The following BMERB1 variants were observed in gnomAD, a reference collection of about 807,000 sequenced individuals.
BMERB1 encodes bMERB domain-containing protein 1.
In BMERB1, 12 loss-of-function variants were observed where a neutral mutation model predicts 23.6. The observed-to-expected ratio is 0.51, with a 90% CI of 0.33 to 0.82. The LOEUF (loss-of-function observed/expected upper bound fraction) is 0.82, where lower values mean the gene tolerates loss of function less well. Among genes scored for constraint, BMERB1 ranks in the 40% least tolerant of loss-of-function variants. BMERB1 has a pLI of 0.03. For missense variants in BMERB1, 247 were observed against 255.4 expected, an observed-to-expected ratio of 0.97 and a Z score of 0.22; for synonymous variants, 122 against 96.6, an observed-to-expected ratio of 1.26 and a Z score of -1.54.
At chr16:15,489,222 G>T (rs1380143235) in intron 1 of BMERB1, among the ~76,000 whole-genome samples, 3 of 152,136 alleles carry the variant, frequency 2.0e-5, no homozygotes, top group Non-Finnish European at 4.4e-5. Context: ...GTGCCAGTTG[G>T]TTCCCCAAAG....
At position 15,558,629 on chromosome 16, in the gene BMERB1, CAT is replaced by C. The variant is rs139686261; in HGVS notation, c.231-9351_231-9350del. ...CTTTAAGCAACCATTACCGTAGTCA[CAT>C]ATGTGTCGTAGCGACATATATGTGA... is the stretch of plus-strand genomic sequence containing the variant. On this transcript the variant is annotated intron_variant, in intron 2 of 5. Transcript: ENST00000300006. Among the ~76,000 whole-genome samples the C allele has an allele frequency of 3.8e-3, 576 of 152,032 alleles. 5 individuals are homozygous for C. The highest frequency in any genetic ancestry group is 0.013 in the African/African-American group (524 of 41,456).
chr16:15,447,897 A>G (rs775546132), intron 1 of BMERB1: 4 of 455,812 alleles, frequency 8.8e-6, no homozygotes, highest in South Asian at 6.2e-5. Flanking sequence ...TTATTTATTT[A>G]TTTATTTTTG....
At chr16:15,585,099 G>A (rs972115400) in intron 5 of BMERB1, among the ~76,000 whole-genome samples, 2 of 152,338 alleles carry the variant, frequency 1.3e-5, no homozygotes, top group South Asian at 2.1e-4. Flanking sequence ...AAGATGGTTG[G>A]AGGGAGTAAG....
At chr16:15,555,250 A>G (rs1283321158) in intron 2 of BMERB1, among the ~76,000 whole-genome samples, 1 of 151,862 alleles carries the variant, frequency 6.6e-6, no homozygotes, top group Non-Finnish European at 1.5e-5. Flanking sequence ...TAATTTTTTT[A>G]TTGTGTAGAG....
At chr16:15,514,023 C>T (rs918243459) in intron 1 of BMERB1, among the ~76,000 whole-genome samples, 4 of 152,118 alleles carry the variant, frequency 2.6e-5, no homozygotes, top group African/African-American at 7.2e-5. Flanking sequence ...GTAATCCCAG[C>T]ACTTCAGGAG....
At chr16:15,445,110 C>T (rs2050978071) in intron 1 of BMERB1, among the ~76,000 whole-genome samples, 1 of 152,148 alleles carries the variant, frequency 6.6e-6, no homozygotes, top group East Asian at 1.9e-4. Flanking sequence ...CCAGGCTGGT[C>T]TTGAACTCCT....
chr16:15,537,410 A>G (rs995142413), intron 2 of BMERB1, among the ~76,000 whole-genome samples: 2 of 151,556 alleles, frequency 1.3e-5, no homozygotes, highest in African/African-American at 2.4e-5. Context: ...GCTGGAGTGC[A>G]GTGGCACAAT....
chr16:15,584,081 G>T, intron 5 of BMERB1: 1 of 701,784 alleles, frequency 1.4e-6, no homozygotes, highest in Non-Finnish European at 2.6e-6. Context: ...AGCAAAGAGG[G>T]TTTTATATGA....
intron 2 of BMERB1, among the ~76,000 whole-genome samples, chr16:15,557,062 C>T (rs2030281377): frequency 6.6e-6 from 1 of 152,166 alleles, no homozygotes; most frequent in Non-Finnish European, 1.5e-5. Flanking sequence ...CTGCTGATGC[C>T]TCCATTTCAT....
chr16:15,502,603 CCT>C (rs968294761), intron 1 of BMERB1, among the ~76,000 whole-genome samples: 4 of 152,280 alleles, frequency 2.6e-5, no homozygotes, highest in African/African-American at 9.6e-5. Flanking sequence ...GAGCTTCTTT[CCT>C]ACATGAATGA....
intron 2 of BMERB1, among the ~76,000 whole-genome samples, chr16:15,522,959 T>C (rs952781494): frequency 2.6e-5 from 4 of 152,202 alleles, no homozygotes. Flanking sequence ...GGGCTTTCTG[T>C]ATCCTGGGTT....
intron 2 of BMERB1, among the ~76,000 whole-genome samples, chr16:15,523,417 G>A (rs1366601308): frequency 1.3e-5 from 2 of 152,188 alleles, no homozygotes; most frequent in African/African-American, 4.8e-5. Flanking sequence ...ACCTAGGACT[G>A]TGGGCACAGG....
Position 15,447,975 on chromosome 16 carries a change from C to T in BMERB1, c.106+13216C>T, listed in dbSNP as rs1445454370. 1.3e-5 allele frequency: 6 copies of T among 452,098 alleles called. No individual in the cohort carries two copies. The East Asian group carries it at 4.2e-4, about 31-fold the overall frequency. 28.0% of individuals were successfully genotyped at this position (452,098 alleles called of 1,614,324 possible). On this transcript the variant is annotated intron_variant, in intron 1 of 5. Coordinates refer to ENST00000300006, the MANE Select transcript of BMERB1 (RefSeq NM_033201.3). ...CGTGATCACGGCTCACTTCAACCTC[C>T]ACCTCCTGGGTTCAAGCGATTGTCC...
chr16:15,587,734 A>C lies in BMERB1; in HGVS notation c.*905A>C, dbSNP rs1473635500. The C allele has an allele frequency of 3.4e-6, 1 of 291,560 alleles. No homozygotes were observed. The highest frequency in any genetic ancestry group is 7.1e-6 in the Non-Finnish European group (1 of 140,312). The allele number at this position is 291,560 out of a possible 1,614,324, so 18.1% of individuals were successfully genotyped here. A position where few individuals can be genotyped will look rare whatever the true frequency, so the allele number is the denominator to read the frequency against. On this transcript the variant is annotated 3_prime_UTR_variant, in exon 6 of 6. Transcript: ENST00000300006. Reference sequence around the variant, plus strand: ...AAGAACAGCAACAGGCAGGAGAGGCAGCGTGTGACCAGATTGTGTCCCGTC... The same window carrying C: ...AAGAACAGCAACAGGCAGGAGAGGCCGCGTGTGACCAGATTGTGTCCCGTC...
At chr16:15,497,681 T>TTGTA (rs558446592) in intron 1 of BMERB1, among the ~76,000 whole-genome samples, 7 of 152,230 alleles carry the variant, frequency 4.6e-5, no homozygotes, top group Non-Finnish European at 8.8e-5. Flanking sequence ...CCCTCTTGCC[T>TTGTA]TGTATCATCA....
At chr16:15,482,659 A>G (rs532722454) in intron 1 of BMERB1, among the ~76,000 whole-genome samples, 1 of 152,306 alleles carries the variant, frequency 6.6e-6, no homozygotes, top group African/African-American at 2.4e-5. Flanking sequence ...CTGACAAAGC[A>G]AAGCAAGGCG....
At chr16:15,572,976 GT>G (rs2150974018) in intron 3 of BMERB1, among the ~76,000 whole-genome samples, 1 of 152,162 alleles carries the variant, frequency 6.6e-6, no homozygotes, top group African/African-American at 2.4e-5. Flanking sequence ...GCCTTCTGCC[GT>G]GATTGTGAGG....
intron 1 of BMERB1, among the ~76,000 whole-genome samples, chr16:15,490,511 G>C (rs1236015885): frequency 6.6e-6 from 1 of 151,968 alleles, no homozygotes; most frequent in Non-Finnish European, 1.5e-5. Flanking sequence ...TTCAACTCTT[G>C]GTCTCAAGCA....
intron 2 of BMERB1, among the ~76,000 whole-genome samples, chr16:15,523,918 C>T (rs1165062059): frequency 6.6e-6 from 1 of 152,138 alleles, no homozygotes; most frequent in Non-Finnish European, 1.5e-5. Context: ...TCCTTGAGAC[C>T]CTCTTGGGAG....
Sources: gnomAD v4.1 joint callset for allele counts (sites outside exome capture counted in the v4.1 genomes callset) on GRCh38, gnomAD v4.1.1 for gene constraint, MANE v1.5 for transcripts, NCBI Gene and HGNC (gene_info 2026-07-23, HGNC 2026-07-21) for gene names.